The following RANBP10 variants were observed in gnomAD, a reference collection of about 807,000 sequenced individuals.
RANBP10 encodes the protein ran-binding protein 10.
Under a neutral mutation model 72.8 loss-of-function variants are expected in RANBP10, and 24 were observed. The ratio of observed to expected loss-of-function variants is 0.33; its 90% confidence interval spans 0.24 to 0.46. RANBP10 has a LOEUF of 0.46. Among genes scored for constraint, RANBP10 ranks in the 20% least tolerant of loss-of-function variants. RANBP10 has a pLI of 1.00. For synonymous variants in RANBP10, 310 were observed against 322.3 expected (o/e 0.96, Z 0.41); for missense variants, 679 against 817.5 (o/e 0.83, Z 2.07).
At chr16:67,783,535 G>A (rs928381303) in intron 2 of RANBP10, among the ~76,000 whole-genome samples, 2 of 152,154 alleles carry the variant, frequency 1.3e-5, no homozygotes, top group Non-Finnish European at 2.9e-5. Flanking sequence ...AGACACTCCA[G>A]CCTAATTCAA....
intron 2 of RANBP10, among the ~76,000 whole-genome samples, chr16:67,776,866 A>G (rs907777600): frequency 6.6e-6 from 1 of 152,198 alleles, no homozygotes; most frequent in African/African-American, 2.4e-5. Context: ...CTTATAATGA[A>G]CAATCAAAAA....
rs2053707289 is a variant in RANBP10, at chr16:67,730,532, C to T, written c.890-486G>A. ...GGTGGTCTTCAGGGGCTGCAGCATG[C>T]CCCCTGCTGGGAGAGGAGGCCATCC... is the stretch of plus-strand genomic sequence containing the variant. On this transcript the variant is annotated intron_variant, in intron 7 of 13. Coordinates refer to ENST00000317506, the MANE Select transcript of RANBP10 (RefSeq NM_020850.3). This position sits in a 1 kb window ranked among gnomAD's most constrained non-coding sequence, Gnocchi z 4.3. Among the ~76,000 whole-genome samples, 1 of 152,080 alleles carries T rather than the reference C, an allele frequency of 6.6e-6. No individual in the cohort carries two copies. Among genetic ancestry groups the T allele is most frequent in the Admixed American group, 6.5e-5 (1 of 15,272 alleles).
intron 2 of RANBP10, among the ~76,000 whole-genome samples, chr16:67,779,351 G>A (rs2054770057): frequency 6.6e-6 from 1 of 151,174 alleles, no homozygotes; most frequent in African/African-American, 2.4e-5. Flanking sequence ...GAGCCGAGAT[G>A]GCACTACTGC....
intron 3 of RANBP10, among the ~76,000 whole-genome samples, chr16:67,748,527 A>G (rs993268802): frequency 6.6e-6 from 1 of 151,988 alleles, no homozygotes; most frequent in African/African-American, 2.4e-5. Context: ...TCCGTCTAAA[A>G]AAAAAAACAA....
intron 3 of RANBP10, among the ~76,000 whole-genome samples, chr16:67,755,576 C>G (rs540636353): frequency 2.7e-5 from 4 of 150,364 alleles, no homozygotes; most frequent in African/African-American, 9.8e-5. Flanking sequence ...CCCAGCTGCT[C>G]GGAAGGCTGA....
At chr16:67,755,959 T>G (rs1044730697) in intron 3 of RANBP10, among the ~76,000 whole-genome samples, 6 of 152,118 alleles carry the variant, frequency 3.9e-5, no homozygotes, top group African/African-American at 1.4e-4. Context: ...GAAATGCCAG[T>G]GATGCAAGGA....
intron 3 of RANBP10, among the ~76,000 whole-genome samples, chr16:67,748,610 C>T (rs1289481218): frequency 6.6e-6 from 1 of 152,002 alleles, no homozygotes; most frequent in Admixed American, 6.6e-5. Flanking sequence ...TTCTATGTTG[C>T]CCAGGCTGGT....
chr16:67,785,160 C>A (rs565474596), intron 2 of RANBP10, among the ~76,000 whole-genome samples: 1 of 150,956 alleles, frequency 6.6e-6, no homozygotes, highest in African/African-American at 2.4e-5. Context: ...TGCAGTGAGC[C>A]GAGATCGTGC....
At chr16:67,770,658 C>G (rs1210938936) in intron 3 of RANBP10, among the ~76,000 whole-genome samples, 1 of 152,182 alleles carries the variant, frequency 6.6e-6, no homozygotes, top group Non-Finnish European at 1.5e-5. Context: ...GGACTTAAGA[C>G]CATTTTCTGG....
At chr16:67,787,820 G>T (rs764452974) in intron 2 of RANBP10, among the ~76,000 whole-genome samples, 2 of 152,042 alleles carry the variant, frequency 1.3e-5, no homozygotes, top group African/African-American at 2.4e-5. Context: ...GGGTAACATA[G>T]CGAGATTCTG....
At chr16:67,737,942 A>G in intron 5 of RANBP10, 71 bp downstream of exon 5, 1 of 1,507,812 alleles carries the variant, frequency 6.6e-7, no homozygotes, top group East Asian at 2.4e-5. Context: ...CTGCACTTGC[A>G]GGTACCACCG....
chr16:67,801,906 G>A (rs1348925514), intron 2 of RANBP10, among the ~76,000 whole-genome samples: 1 of 151,982 alleles, frequency 6.6e-6, no homozygotes, highest in African/African-American at 2.4e-5. Context: ...ACCAGCCTAG[G>A]AAACATTGTG....
chr16:67,784,485 C>T (rs565537826), intron 2 of RANBP10, among the ~76,000 whole-genome samples: 3 of 152,136 alleles, frequency 2.0e-5, no homozygotes, highest in Non-Finnish European at 2.9e-5. Flanking sequence ...GGAGAAACCC[C>T]GTCTCTACTA....
intron 2 of RANBP10, among the ~76,000 whole-genome samples, chr16:67,800,610 C>T (rs1030201614): frequency 6.6e-6 from 1 of 152,142 alleles, no homozygotes; most frequent in Non-Finnish European, 1.5e-5. Flanking sequence ...TATCTCCTGG[C>T]ACCACTGGCA....
rs1327317198 is a variant in RANBP10 at position 67,806,547 on chromosome 16, G to A, written c.-11C>T. 3.4e-6 allele frequency: 5 copies of A among 1,483,166 alleles called. No homozygotes were observed. The highest frequency in any genetic ancestry group is 2.5e-5 in the East Asian group (1 of 40,586). The allele number at this position is 1,483,166 out of a possible 1,614,324, so 91.9% of individuals were successfully genotyped here. Reference sequence around the variant, plus strand: ...CGTCGCTGCCGCCATCTTGGAGGGAGCTACTATTGTGTCACTGGGGGCGGG... The same window carrying A: ...CGTCGCTGCCGCCATCTTGGAGGGAACTACTATTGTGTCACTGGGGGCGGG... On this transcript the variant is annotated 5_prime_UTR_variant, in exon 1 of 14. Coordinates refer to ENST00000317506, the MANE Select transcript of RANBP10 (RefSeq NM_020850.3).
At chr16:67,788,740 C>T (rs907176837) in intron 2 of RANBP10, among the ~76,000 whole-genome samples, 8 of 151,670 alleles carry the variant, frequency 5.3e-5, no homozygotes, top group Non-Finnish European at 1.0e-4. Context: ...GTGGCTCACA[C>T]CTATAATTCC....
chr16:67,802,085 A>C (rs2055244416), intron 2 of RANBP10, among the ~76,000 whole-genome samples: 1 of 137,316 alleles, frequency 7.3e-6, no homozygotes, highest in African/African-American at 3.0e-5. Flanking sequence ...ACAGAGCGAG[A>C]CCCTGCCTCA....
chr16:67,783,623 C>T (rs567910084), intron 2 of RANBP10, among the ~76,000 whole-genome samples: 7 of 152,312 alleles, frequency 4.6e-5, no homozygotes, highest in Admixed American at 2.0e-4. Context: ...GGCTCCTAAG[C>T]TCCTTCCCAG....
At chr16:67,766,728 C>T (rs1457006953) in intron 3 of RANBP10, among the ~76,000 whole-genome samples, 1 of 152,120 alleles carries the variant, frequency 6.6e-6, no homozygotes, top group Non-Finnish European at 1.5e-5. Flanking sequence ...CTCAGGTATT[C>T]CTTGACAGGA....
Sources: gnomAD v4.1 joint callset for allele counts (sites outside exome capture counted in the v4.1 genomes callset) on GRCh38, gnomAD v4.1.1 for gene constraint, Gnocchi (gnomAD v3.1) non-coding constraint, MANE v1.5 for transcripts, NCBI Gene and HGNC (gene_info 2026-07-23, HGNC 2026-07-21) for gene names.